PTPRT: variants seen among roughly 807,000 people sequenced by gnomAD.
The protein encoded by PTPRT is receptor-type tyrosine-protein phosphatase T.
PTPRT carries 56 observed loss-of-function variants against 176.8 expected under a neutral mutation model. That is an observed-to-expected ratio of 0.32 (90% confidence interval 0.26 to 0.40). The LOEUF (loss-of-function observed/expected upper bound fraction) is 0.40. Ranked by LOEUF, PTPRT falls within the 10% of genes least tolerant of loss-of-function variation. PTPRT has a pLI of 1.00. For missense variants in PTPRT, 1,540 were observed against 1,908.2 expected (o/e 0.81, Z 3.60); for synonymous variants, 783 against 739.0 (o/e 1.06, Z -0.96).
chr20:42,542,864 A>G (rs903420329), intron 7 of PTPRT, among the ~76,000 whole-genome samples: 9 of 152,220 alleles, frequency 5.9e-5, no homozygotes, highest in African/African-American at 2.2e-4. Flanking sequence ...TGACTAAAAG[A>G]AGGTACTGAA....
At chr20:42,968,135 A>G (rs555515901) in intron 1 of PTPRT, among the ~76,000 whole-genome samples, 10 of 152,056 alleles carry the variant, frequency 6.6e-5, no homozygotes, top group African/African-American at 2.2e-4. Context: ...TCTATGTTCA[A>G]CTGTCATATC....
At chr20:42,085,240 C>T (rs1272104084) in intron 28 of PTPRT, among the ~76,000 whole-genome samples, 2 of 152,150 alleles carry the variant, frequency 1.3e-5, no homozygotes, top group East Asian at 3.9e-4. Flanking sequence ...TCCTTTCATC[C>T]TGGGCCCCAA....
chr20:42,131,927 G>C (rs926916435), intron 18 of PTPRT, among the ~76,000 whole-genome samples: 2 of 152,178 alleles, frequency 1.3e-5, no homozygotes, highest in Non-Finnish European at 2.9e-5. Context: ...CAAGCACCGT[G>C]GGGGAGCTGC....
the PTPRT span, among the ~76,000 whole-genome samples, chr20:42,049,609 A>G: frequency 6.6e-6 from 1 of 152,212 alleles, no homozygotes; most frequent in Admixed American, 6.5e-5. Context: ...CCAGGGCAGT[A>G]GCTCTCAAAG....
intron 1 of PTPRT, among the ~76,000 whole-genome samples, chr20:43,175,044 C>T (rs576777587): frequency 1.3e-5 from 2 of 152,328 alleles, no homozygotes; most frequent in Non-Finnish European, 2.9e-5. Context: ...GAAAAGACTG[C>T]GCAACATTAT....
intron 7 of PTPRT, among the ~76,000 whole-genome samples, chr20:42,597,643 G>A (rs559632614): frequency 3.9e-5 from 6 of 152,122 alleles, no homozygotes; most frequent in East Asian, 3.9e-4. Context: ...CCTTAATTCC[G>A]CCATAATTTT....
intron 7 of PTPRT, among the ~76,000 whole-genome samples, chr20:42,661,472 C>CT (rs1221347272): frequency 6.6e-6 from 1 of 151,996 alleles, no homozygotes; most frequent in Non-Finnish European, 1.5e-5. Flanking sequence ...TGTGCTACCT[C>CT]TTTTTTTCAA....
At chr20:42,955,731 C>G (rs1337705670) in intron 1 of PTPRT, among the ~76,000 whole-genome samples, 2 of 151,870 alleles carry the variant, frequency 1.3e-5, no homozygotes, top group African/African-American at 4.8e-5. Flanking sequence ...CAGTGCAGCC[C>G]AGGAACAGAG....
intron 1 of PTPRT, among the ~76,000 whole-genome samples, chr20:42,943,436 A>G (rs1400010289): frequency 6.6e-6 from 1 of 152,134 alleles, no homozygotes; most frequent in African/African-American, 2.4e-5. Flanking sequence ...GGGAAGCTTG[A>G]CCTAATGAGA....
At chr20:42,380,567 T>C (rs1402445679) in intron 9 of PTPRT, among the ~76,000 whole-genome samples, 4 of 152,094 alleles carry the variant, frequency 2.6e-5, no homozygotes, top group Non-Finnish European at 4.4e-5. Context: ...ATGGGGAAGA[T>C]GGTCACACAG....
intron 17 of PTPRT, among the ~76,000 whole-genome samples, chr20:42,154,184 T>C (rs573694440): frequency 6.6e-6 from 1 of 152,272 alleles, no homozygotes; most frequent in East Asian, 1.9e-4. Flanking sequence ...CATCTGCAAA[T>C]TGAGGAGCTG....
intron 27 of PTPRT, among the ~76,000 whole-genome samples, chr20:42,087,708 A>T (rs1206604040): frequency 6.6e-6 from 1 of 150,920 alleles, no homozygotes; most frequent in African/African-American, 2.4e-5. Flanking sequence ...ACCCGTCTCC[A>T]CTAAAAATAC....
chr20:43,023,749 G>A (rs996216163), intron 1 of PTPRT, among the ~76,000 whole-genome samples: 2 of 152,126 alleles, frequency 1.3e-5, no homozygotes, highest in African/African-American at 4.8e-5. Flanking sequence ...ACGAAGCCCT[G>A]TAGCTGCCCT....
In PTPRT at chr20:43,101,694, G is replaced by A. The variant is rs539914053; in HGVS notation, c.88+87952C>T. Among the ~76,000 whole-genome samples, 348 of 152,216 alleles carry A rather than the reference G, an allele frequency of 2.3e-3. 3 individuals carry two copies. Among genetic ancestry groups the A allele is most frequent in the African/African-American group, 8.1e-3 (338 of 41,544 alleles). ...GTGTTACAAGTAGTGGGAGGGAGAC[G>A]GCACAATATGGGACAGGCTAAGAGT... On this transcript the variant is annotated intron_variant, in intron 1 of 30. Coordinates refer to ENST00000373187, the MANE Select transcript of PTPRT (RefSeq NM_007050.6).
chr20:42,808,349 G>T (rs2077644292), intron 2 of PTPRT, among the ~76,000 whole-genome samples: 4 of 152,130 alleles, frequency 2.6e-5, no homozygotes. Context: ...CTCTGTCTGG[G>T]CATTTTTGAG....
At chr20:42,041,213 T>C in the PTPRT span, among the ~76,000 whole-genome samples, 1 of 152,294 alleles carries the variant, frequency 6.6e-6, no homozygotes, top group Admixed American at 6.5e-5. Flanking sequence ...GCTCCCGTTT[T>C]GGGGTTCTCT....
intron 7 of PTPRT, among the ~76,000 whole-genome samples, chr20:42,608,018 C>A (rs570321401): frequency 1.3e-5 from 2 of 152,270 alleles, no homozygotes; most frequent in African/African-American, 4.8e-5. Context: ...ATCATCTATG[C>A]CCTGGTGGGA....
At chr20:42,338,307 A>G (rs2058067646) in intron 11 of PTPRT, among the ~76,000 whole-genome samples, 1 of 152,216 alleles carries the variant, frequency 6.6e-6, no homozygotes. Context: ...TTGCAGTATT[A>G]CATGTCCCTG....
chr20:43,171,276 G>A (rs1057271445), intron 1 of PTPRT, among the ~76,000 whole-genome samples: 2 of 152,124 alleles, frequency 1.3e-5, no homozygotes, highest in Non-Finnish European at 2.9e-5. Context: ...GATTAAAATT[G>A]CTGAAAGTAT....
Sources: gnomAD v4.1 joint callset for allele counts (sites outside exome capture counted in the v4.1 genomes callset) on GRCh38, gnomAD v4.1.1 for gene constraint, MANE v1.5 for transcripts, NCBI Gene and HGNC (gene_info 2026-07-23, HGNC 2026-07-21) for gene names.